The following FGD4 variants were observed in gnomAD, a reference collection of about 807,000 sequenced individuals.
FGD4 encodes the protein FYVE, RhoGEF and PH domain-containing protein 4.
In FGD4, 42 loss-of-function variants were observed where a neutral mutation model predicts 102.0. The ratio of observed to expected loss-of-function variants is 0.41; its 90% confidence interval spans 0.32 to 0.53. FGD4 has a LOEUF of 0.53. Ranked by LOEUF, FGD4 falls within the 20% of genes least tolerant of loss-of-function variation. FGD4 has a pLI of 0.21. For synonymous variants in FGD4, 380 were observed against 375.7 expected (o/e 1.01, Z -0.13); for missense variants, 902 against 1,078.2 (o/e 0.84, Z 2.29).
At chr12:32,444,021 C>CTT (rs67353121) in intron 1 of FGD4, among the ~76,000 whole-genome samples, 184 of 119,096 alleles carry the variant, frequency 1.5e-3, no homozygotes, top group Non-Finnish European at 2.5e-3. Context: ...ACTTTGTTTT[C>CTT]TTTTTTTTTT....
chr12:32,583,253 C>A (rs1388013766), intron 4 of FGD4, among the ~76,000 whole-genome samples: 1 of 152,140 alleles, frequency 6.6e-6, no homozygotes, highest in Non-Finnish European at 1.5e-5. Flanking sequence ...GGGAGAATTT[C>A]TTGAGCCCAG....
Position 32,469,015 on chromosome 12 carries a change from G to A in FGD4, c.166+69056G>A, listed in dbSNP as rs371665838. ...AAATTTTTGTATTTTTAGTAGAGAC[G>A]GGGTTTCACCATGTTGGCCAGGCTG... On this transcript the variant is annotated intron_variant, in intron 1 of 16. Transcript: ENST00000534526. 4.0e-5 allele frequency among the ~76,000 whole-genome samples: 6 copies of A among 151,806 alleles called. No homozygotes were observed. In the East Asian group the frequency reaches 9.8e-4, roughly 25 times the overall value.
At chr12:32,548,886 G>T (rs183687652) in intron 1 of FGD4, among the ~76,000 whole-genome samples, 1 of 152,196 alleles carries the variant, frequency 6.6e-6, no homozygotes, top group Admixed American at 6.5e-5. Context: ...CAAAGTCAGG[G>T]TCGTGAGGGC....
intron 5 of FGD4, among the ~76,000 whole-genome samples, chr12:32,599,331 A>G (rs923204017): frequency 9.6e-5 from 14 of 145,644 alleles, no homozygotes; most frequent in African/African-American, 3.6e-4. Context: ...CGTCTCTACT[A>G]AAAATACAAA....
At chr12:32,585,059 A>G (rs1946892046) in intron 4 of FGD4, among the ~76,000 whole-genome samples, 1 of 151,556 alleles carries the variant, frequency 6.6e-6, no homozygotes, top group African/African-American at 2.4e-5. Context: ...CATCTCTACT[A>G]AAAATACAAA....
At chr12:32,400,018 C>T (rs1027945790) in intron 1 of FGD4, 59 bp downstream of exon 1, 19 of 1,405,030 alleles carry the variant, frequency 1.4e-5, no homozygotes, top group Non-Finnish European at 1.7e-5. Flanking sequence ...GGGTGAGGGG[C>T]GCTCCCAGCG....
chr12:32,405,839 A>C (rs1940908877), intron 1 of FGD4, among the ~76,000 whole-genome samples: 1 of 151,940 alleles, frequency 6.6e-6, no homozygotes, highest in Non-Finnish European at 1.5e-5. Flanking sequence ...TTCAATCAAT[A>C]GTACTTACTT....
chr12:32,441,743 G>T (rs1171128741), intron 1 of FGD4, among the ~76,000 whole-genome samples: 1 of 152,094 alleles, frequency 6.6e-6, no homozygotes, highest in African/African-American at 2.4e-5. Context: ...AGAAGTTGCA[G>T]TCCTTGTGAC....
At position 32,407,417 on chromosome 12, in the gene FGD4, C is replaced by T. The variant is rs192154645; in HGVS notation, c.166+7458C>T. 5.1e-4 allele frequency among the ~76,000 whole-genome samples: 77 copies of T among 152,296 alleles called. 1 individual carries two copies. In the East Asian group the frequency reaches 5.4e-3, roughly 11 times the overall value. On this transcript the variant is annotated intron_variant, in intron 1 of 16. Coordinates refer to ENST00000534526, the MANE Select transcript of FGD4 (RefSeq NM_001370298.3). ...CTGGGATTACAGGCGTGAGCCACTA[C>T]GCCTGGCCAAGAAGCTGTATTTTTA...
intron 1 of FGD4, among the ~76,000 whole-genome samples, chr12:32,442,732 A>AT (rs1477119163): frequency 5.9e-5 from 9 of 151,418 alleles, no homozygotes; most frequent in African/African-American, 1.7e-4. Flanking sequence ...AATTTTTTGT[A>AT]TTTTTTGTAG....
intron 1 of FGD4, among the ~76,000 whole-genome samples, chr12:32,432,853 G>T (rs1942101434): frequency 6.6e-6 from 1 of 152,142 alleles, no homozygotes; most frequent in African/African-American, 2.4e-5. Flanking sequence ...GTGAGTGACT[G>T]AAATCCTGTT....
chr12:32,418,277 C>T (rs1294404766), intron 1 of FGD4, among the ~76,000 whole-genome samples: 3 of 151,974 alleles, frequency 2.0e-5, no homozygotes, highest in African/African-American at 4.8e-5. Context: ...GTTCTTTGGG[C>T]GAGGTCATGT....
chr12:32,541,453 G>A (rs1592157624), intron 1 of FGD4, among the ~76,000 whole-genome samples: 1 of 152,234 alleles, frequency 6.6e-6, no homozygotes, highest in East Asian at 1.9e-4. Context: ...TGCAACCTCT[G>A]CCTCCGGGTT....
intron 14 of FGD4, among the ~76,000 whole-genome samples, chr12:32,627,283 T>C (rs1950237203): frequency 6.6e-6 from 1 of 152,030 alleles, no homozygotes; most frequent in Non-Finnish European, 1.5e-5. Flanking sequence ...GCCTCCCAAG[T>C]AGCTGGGATT....
chr12:32,542,139 C>T (rs1015210974), intron 1 of FGD4, among the ~76,000 whole-genome samples: 36 of 134,736 alleles, frequency 2.7e-4, no homozygotes, highest in Admixed American at 8.8e-4. Context: ...CTATTAATGC[C>T]GTGAAGCAAA....
chr12:32,625,688 T>A lies in FGD4; in HGVS notation c.2081T>A (p.Ile694Asn). The A allele has an allele frequency of 6.2e-7, 1 of 1,614,062 alleles. No individual in the cohort carries two copies. Among genetic ancestry groups the A allele is most frequent in the Non-Finnish European group, 8.5e-7 (1 of 1,180,000 alleles). Residue 694 changes from isoleucine to asparagine, a missense_variant, in exon 14 of 17, where the codon ATC (isoleucine) becomes AAC (asparagine). Physicochemically the swap from Ile to Asn is moderately radical, Grantham distance 149. Coordinates refer to ENST00000534526, the MANE Select transcript of FGD4 (RefSeq NM_001370298.3). Reference protein sequence around the residue: ...AELGKRAPRWIRDNEVTMCMK... With the variant: ...AELGKRAPRWNRDNEVTMCMK... ...CTAGGGAAAAGAGCCCCAAGATGGA[T>A]CCGAGATAATGAAGTGACAATGTGT... is the stretch of plus-strand genomic sequence containing the variant.
chr12:32,458,509 GA>G (rs772366986), intron 1 of FGD4, among the ~76,000 whole-genome samples: 42 of 152,072 alleles, frequency 2.8e-4, no homozygotes, highest in Non-Finnish European at 2.8e-4. Context: ...TAATATGGTT[GA>G]ATTTTCCATT....
intron 1 of FGD4, among the ~76,000 whole-genome samples, chr12:32,427,125 C>T (rs1941865587): frequency 6.6e-6 from 1 of 151,468 alleles, no homozygotes; most frequent in Non-Finnish European, 1.5e-5. Context: ...TTTATTTGCT[C>T]TTGCTTCTCT....
At chr12:32,581,878 T>C in intron 3 of FGD4, 82 bp from the exon 4 acceptor site, 1 of 1,518,882 alleles carries the variant, frequency 6.6e-7, no homozygotes. Context: ...GAATATCCCT[T>C]TTCAACTGGA....
Sources: gnomAD v4.1 joint callset for allele counts (sites outside exome capture counted in the v4.1 genomes callset) on GRCh38, gnomAD v4.1.1 for gene constraint, MANE v1.5 for transcripts, NCBI Gene and HGNC (gene_info 2026-07-23, HGNC 2026-07-21) for gene names.